SAMD3: variants seen among roughly 807,000 people sequenced by gnomAD.
SAMD3 encodes the protein sterile alpha motif domain containing 3.
SAMD3 carries 63 observed loss-of-function variants against 58.5 expected under a neutral mutation model. That is an observed-to-expected ratio of 1.08 (90% CI 0.88 to 1.33). SAMD3 has a LOEUF of 1.33. Among genes scored for constraint, SAMD3 ranks in the 40% most tolerant of loss-of-function variants. The probability of loss-of-function intolerance (pLI) is 0.00; values close to 1 mark genes in which losing one functional copy is unlikely to be tolerated. For missense variants in SAMD3, 604 were observed against 608.4 expected (o/e 0.99, Z 0.08); for synonymous variants, 220 against 210.3 (o/e 1.05, Z -0.40).
At chr6:130,178,082 C>A (rs183056390) in intron 7 of SAMD3, among the ~76,000 whole-genome samples, 2 of 152,238 alleles carry the variant, frequency 1.3e-5, no homozygotes. Context: ...TCAAGCGATT[C>A]TCCTGCCTCA....
At chr6:130,300,028 G>A (rs932338634) in intron 2 of SAMD3, among the ~76,000 whole-genome samples, 5 of 152,148 alleles carry the variant, frequency 3.3e-5, no homozygotes, top group Admixed American at 2.6e-4. Context: ...TCTACCAGAT[G>A]TTCAAAGAAG....
intron 5 of SAMD3, among the ~76,000 whole-genome samples, chr6:130,203,429 A>G (rs753927607): frequency 1.1e-4 from 17 of 152,192 alleles, no homozygotes; most frequent in Admixed American, 5.9e-4. Context: ...CTCCAGACTT[A>G]CCAACCCTGG....
At chr6:130,347,951 C>T (rs1299543911) in intron 1 of SAMD3, among the ~76,000 whole-genome samples, 5 of 152,142 alleles carry the variant, frequency 3.3e-5, no homozygotes, top group Admixed American at 6.5e-5. Context: ...GAATTTTCAA[C>T]CCAGAATTTC....
intron 8 of SAMD3, among the ~76,000 whole-genome samples, chr6:130,158,133 G>A (rs1024818463): frequency 3.3e-5 from 5 of 152,162 alleles, no homozygotes; most frequent in African/African-American, 9.7e-5. Flanking sequence ...CTTTCTCCAA[G>A]TAGAGCTGCT....
intron 1 of SAMD3, among the ~76,000 whole-genome samples, chr6:130,339,315 G>C (rs1777199158): frequency 6.6e-6 from 1 of 152,094 alleles, no homozygotes; most frequent in African/African-American, 2.4e-5. Context: ...CCAAAGTGCT[G>C]GGATTACAGG....
intron 2 of SAMD3, among the ~76,000 whole-genome samples, chr6:130,271,875 G>C (rs1355403911): frequency 6.6e-6 from 1 of 152,124 alleles, no homozygotes; most frequent in East Asian, 1.9e-4. Context: ...AAAACCATCA[G>C]ATCTCATGAG....
intron 4 of SAMD3, among the ~76,000 whole-genome samples, chr6:130,209,895 A>G (rs1208674498): frequency 6.6e-6 from 1 of 152,250 alleles, no homozygotes; most frequent in African/African-American, 2.4e-5. Context: ...CCTTTATGAA[A>G]TGATGGTGAT....
At chr6:130,151,133 G>T (rs901525164) in intron 9 of SAMD3, among the ~76,000 whole-genome samples, 1 of 152,188 alleles carries the variant, frequency 6.6e-6, no homozygotes, top group Non-Finnish European at 1.5e-5. Flanking sequence ...AAGGCCAGCT[G>T]CTTCATCATT....
intron 2 of SAMD3, among the ~76,000 whole-genome samples, chr6:130,293,269 G>A (rs1775444514): frequency 6.6e-6 from 1 of 152,178 alleles, no homozygotes; most frequent in South Asian, 2.1e-4. Flanking sequence ...TTGAATGACA[G>A]TGTCTTACAC....
At chr6:130,336,122 A>G (rs1042707554) in intron 1 of SAMD3, among the ~76,000 whole-genome samples, 9 of 152,196 alleles carry the variant, frequency 5.9e-5, no homozygotes, top group African/African-American at 2.2e-4. Context: ...TATGTAACCA[A>G]CCTGTACATT....
intron 5 of SAMD3, among the ~76,000 whole-genome samples, chr6:130,187,283 G>C (rs1793087121): frequency 6.6e-6 from 1 of 151,868 alleles, no homozygotes; most frequent in Non-Finnish European, 1.5e-5. Context: ...TACACTGTTT[G>C]TCTTTTTATT....
intron 3 of SAMD3, 41 bp from the exon 4 acceptor site, chr6:130,214,567 G>T: frequency 6.7e-7 from 1 of 1,483,574 alleles, no homozygotes; most frequent in South Asian, 1.4e-5. Flanking sequence ...ATGACTTTCC[G>T]GCAAAACACA....
chr6:130,365,205 C>T, exon 1 of SAMD3: 1 of 985,570 alleles, frequency 1.0e-6, no homozygotes, highest in Non-Finnish European at 1.2e-6. Flanking sequence ...CCAGTCTCCA[C>T]TCACTGGATG....
intron 2 of SAMD3, among the ~76,000 whole-genome samples, chr6:130,256,554 C>G (rs1052443873): frequency 6.6e-6 from 1 of 152,120 alleles, no homozygotes; most frequent in East Asian, 1.9e-4. Context: ...TCAGAGGTCT[C>G]TCTAATTTGT....
chr6:130,180,235 C>T (rs548687265), intron 7 of SAMD3, among the ~76,000 whole-genome samples: 1 of 151,474 alleles, frequency 6.6e-6, no homozygotes, highest in African/African-American at 2.4e-5. Context: ...GTCCTCCCAC[C>T]TCAGCCTCCC....
At chr6:130,222,071 T>C (rs911902347) in intron 1 of SAMD3, among the ~76,000 whole-genome samples, 9 of 152,192 alleles carry the variant, frequency 5.9e-5, no homozygotes, top group African/African-American at 2.2e-4. Context: ...CATTTTATAA[T>C]TGAAAGTCCT....
At chr6:130,293,948 T>C (rs980750050) in intron 2 of SAMD3, among the ~76,000 whole-genome samples, 5 of 152,118 alleles carry the variant, frequency 3.3e-5, no homozygotes, top group African/African-American at 1.2e-4. Context: ...ATCTTAGCAG[T>C]GGGAGCAGAG....
chr6:130,344,384 G>C (rs1396026290), intron 1 of SAMD3, among the ~76,000 whole-genome samples: 1 of 151,860 alleles, frequency 6.6e-6, no homozygotes, highest in South Asian at 2.1e-4. Context: ...ACCTTCCCTG[G>C]CTTCTTTTTT....
At chr6:130,357,017 GCA>G (rs1777851068) in intron 1 of SAMD3, among the ~76,000 whole-genome samples, 1 of 151,932 alleles carries the variant, frequency 6.6e-6, no homozygotes, top group African/African-American at 2.4e-5. Flanking sequence ...CATGAAGTGG[GCA>G]CATAGGTCAA....
Sources: allele counts gnomAD v4.1 joint callset (sites outside exome capture counted in the v4.1 genomes callset), GRCh38; gene constraint gnomAD v4.1.1; transcripts MANE v1.5; gene names NCBI Gene and HGNC (gene_info 2026-07-23, HGNC 2026-07-21).